ZZEF1: variants seen among roughly 807,000 people sequenced by gnomAD.
The protein encoded by ZZEF1 is zinc finger ZZ-type and EF-hand domain-containing protein 1.
In ZZEF1, 157 loss-of-function variants were observed where a neutral mutation model predicts 342.8. That is an observed-to-expected ratio of 0.46 (90% CI 0.40 to 0.52). The LOEUF (loss-of-function observed/expected upper bound fraction) is 0.52. ZZEF1 is among the 20% of genes least tolerant of loss of function. The pLI, the probability that ZZEF1 is intolerant of heterozygous loss-of-function variation, is 0.00. For synonymous variants in ZZEF1, 1,505 were observed against 1,429.1 expected (o/e 1.05, Z -1.20); for missense variants, 3,480 against 3,725.6 (o/e 0.93, Z 1.72).
At position 4,105,807 on chromosome 17, in the gene ZZEF1, T is replaced by C. The variant is rs114057260; in HGVS notation, c.1280A>G (p.Lys427Arg). The C allele has an allele frequency of 1.3e-3, 2,011 of 1,593,588 alleles. 24 individuals are homozygous for C. The African/African-American group carries it at 0.025, about 20-fold the overall frequency. Residue 427 changes from lysine (K) to arginine (R), a missense_variant and splice_region_variant, in exon 7 of 55, where the codon AAG becomes AGG. Lys to Arg is a conservative substitution (Grantham distance 26). Coordinates refer to ENST00000381638, the MANE Select transcript of ZZEF1 (RefSeq NM_015113.4). The stretch of plus-strand genomic sequence containing the variant: ...GAGTGGAGGCATGTGCCGCAGCGCC[T>C]TCCTAGAAGAGGAAAATGTAAAATG... ...FVQTVLHNTQ[K>R]ALRHMPPLSL...
chr17:4,112,908 A>T, intron 4 of ZZEF1, 100 bp from the exon 5 acceptor site: 1 of 1,087,290 alleles, frequency 9.2e-7, no homozygotes, highest in Non-Finnish European at 1.3e-6. Flanking sequence ...TGATATATCC[A>T]AAGACTGGTT....
chr17:4,108,678 TG>T (rs1360213316), intron 6 of ZZEF1, among the ~76,000 whole-genome samples: 1 of 152,154 alleles, frequency 6.6e-6, no homozygotes, highest in Non-Finnish European at 1.5e-5. Context: ...GCAGGAACGA[TG>T]GGGCACAGGC....
intron 1 of ZZEF1, among the ~76,000 whole-genome samples, chr17:4,140,561 G>GT (rs2058827162): frequency 1.3e-5 from 2 of 152,196 alleles, no homozygotes; most frequent in African/African-American, 4.8e-5. Context: ...TGTCATCCAA[G>GT]TGAGTGGCAC....
Position 4,024,828 on chromosome 17 carries a change from C to T in ZZEF1, c.7092+91G>A, listed in dbSNP as rs150164138. On this transcript the variant is annotated intron_variant, in intron 43 of 54. Coordinates refer to ENST00000381638, the MANE Select transcript of ZZEF1 (RefSeq NM_015113.4). ...CAAGATCCTATGGTTTACCATCCAT[C>T]GAAATCAGATGGCATTTCCTCCTAG... is the stretch of plus-strand genomic sequence containing the variant. 5.1e-4 allele frequency: 643 copies of T among 1,264,738 alleles called. 1 individual carries two copies. The African/African-American group carries it at 8.1e-3, about 16-fold the overall frequency. 78.3% of individuals were successfully genotyped at this position (1,264,738 alleles called of 1,614,324 possible).
Position 4,042,633 on chromosome 17 carries a change from C to A in ZZEF1, c.6167-65G>T, listed in dbSNP as rs901854848. On this transcript the variant is annotated intron_variant, in intron 38 of 54. Transcript: ENST00000381638. Reference sequence around the variant, plus strand: ...CCACATGTATGAAGAGGCAAGTAAACCACTGCACTGTCCCCTGTGCTGCTA... The same window carrying A: ...CCACATGTATGAAGAGGCAAGTAAAACACTGCACTGTCCCCTGTGCTGCTA... 2.0e-6 allele frequency: 3 copies of A among 1,508,452 alleles called. No individual in the cohort carries two copies. The African/African-American group carries it at 4.2e-5, about 21-fold the overall frequency. The allele number at this position is 1,508,452 out of a possible 1,614,324, so 93.4% of individuals were successfully genotyped here.
rs1048460507 is a variant in ZZEF1 at position 4,013,610 on chromosome 17, G to A, written c.8418C>T (p.Phe2806=). The A allele has an allele frequency of 9.3e-6, 15 of 1,611,328 alleles. No homozygotes were observed. Among genetic ancestry groups the A allele is most frequent in the African/African-American group, 5.3e-5 (4 of 74,828 alleles). ...AGHLGRFQTG[F]EILKQMLSEE... ...CTGACAACATCTGCTTCAAAATCTC[G>A]AATCCTGGCCAACACCCCAAAACAC... The change falls in exon 52 of 55, where the codon TTC becomes TTT. Residue 2806 remains phenylalanine (F), a synonymous_variant. Coordinates refer to ENST00000381638, the MANE Select transcript of ZZEF1 (RefSeq NM_015113.4).
Position 4,041,242 on chromosome 17 carries a change from C to T in ZZEF1, c.6306+1187G>A, listed in dbSNP as rs118029317. Among the ~76,000 whole-genome samples the T allele has an allele frequency of 1.4e-4, 22 of 152,254 alleles. No homozygotes were observed. The East Asian group carries it at 4.2e-3, about 29-fold the overall frequency. On this transcript the variant is annotated intron_variant, in intron 39 of 54. Coordinates refer to ENST00000381638, the MANE Select transcript of ZZEF1 (RefSeq NM_015113.4). ...TCTAGTTCCACGTGCACCATACAAC[C>T]TTCTGAGCTACAGTGTGGTCTTCTG...
At chr17:4,055,434 G>A (rs1567798947) in intron 33 of ZZEF1, among the ~76,000 whole-genome samples, 2 of 152,206 alleles carry the variant, frequency 1.3e-5, no homozygotes, top group South Asian at 2.1e-4. Flanking sequence ...AACACCTGAC[G>A]TGGAGATGGA....
intron 29 of ZZEF1, among the ~76,000 whole-genome samples, chr17:4,063,553 A>C (rs1319770949): frequency 6.6e-6 from 1 of 152,222 alleles, no homozygotes; most frequent in African/African-American, 2.4e-5. Context: ...TATAAATCTT[A>C]CATGAAAAAA....
At chr17:4,098,760 C>T (rs1471358613) in intron 9 of ZZEF1, among the ~76,000 whole-genome samples, 3 of 152,088 alleles carry the variant, frequency 2.0e-5, no homozygotes, top group African/African-American at 7.2e-5. Flanking sequence ...AAATGAGTCA[C>T]CAAAACTAAG....
intron 39 of ZZEF1, among the ~76,000 whole-genome samples, chr17:4,035,060 A>C (rs1215090988): frequency 6.6e-6 from 1 of 152,232 alleles, no homozygotes; most frequent in Non-Finnish European, 1.5e-5. Context: ...TGTATATGTA[A>C]AATAAATTTA....
intron 4 of ZZEF1, among the ~76,000 whole-genome samples, chr17:4,113,508 T>C (rs1031657777): frequency 1.3e-5 from 2 of 151,974 alleles, no homozygotes; most frequent in Admixed American, 1.3e-4. Flanking sequence ...CTACTAAAAA[T>C]ACAAAAATTA....
chr17:4,017,280 T>TA lies in ZZEF1; in HGVS notation c.8001+90dup. The TA allele has an allele frequency of 9.3e-6, 14 of 1,507,710 alleles. No individual in the cohort carries two copies. Among genetic ancestry groups the TA allele is most frequent in the Non-Finnish European group, 1.2e-5 (14 of 1,127,134 alleles). The allele number at this position is 1,507,710 out of a possible 1,614,324, so 93.4% of individuals were successfully genotyped here. A position where few individuals can be genotyped will look rare whatever the true frequency, so the allele number is the denominator to read the frequency against. ...TCAGGGAGCTGCACAGCCACACAGG[T>TA]AGCCTCGCTCCAGGAAGCACTCACT... On this transcript the variant is annotated intron_variant, in intron 48 of 54. Transcript: ENST00000381638. This position sits in a 1 kb window ranked among gnomAD's most constrained non-coding sequence, Gnocchi z 5.1.
chr17:4,116,849 T>C, intron 3 of ZZEF1, 123 bp downstream of exon 3: 1 of 1,037,544 alleles, frequency 9.6e-7, no homozygotes, highest in Non-Finnish European at 1.4e-6. Context: ...ATTCTTACGT[T>C]ACAAACTCAT....
chr17:4,136,050 T>C (rs2145611198), intron 1 of ZZEF1, among the ~76,000 whole-genome samples: 1 of 140,552 alleles, frequency 7.1e-6, no homozygotes, highest in East Asian at 2.3e-4. Flanking sequence ...TGGAGTGCAG[T>C]GGTGCGATCT....
At chr17:4,096,105 A>G in intron 10 of ZZEF1, 126 bp from the exon 11 acceptor site, 1 of 1,052,984 alleles carries the variant, frequency 9.5e-7, no homozygotes, top group Non-Finnish European at 1.3e-6. Context: ...TTTCAAACAT[A>G]TTAAGCCCTC....
At position 4,096,703 on chromosome 17, in the gene ZZEF1, GA is replaced by G. The variant is rs1309928539; in HGVS notation, c.1673-4del. On this transcript the variant is annotated splice_region_variant and splice_polypyrimidine_tract_variant and intron_variant, in intron 9 of 54. Coordinates refer to ENST00000381638, the MANE Select transcript of ZZEF1 (RefSeq NM_015113.4). Reference sequence around the variant, plus strand: ...TTTTCCAGTTTCCGTAAGAAAACCTGAAAAAAGGGAAAACTCAAGTTAGGGA... The same window carrying G: ...TTTTCCAGTTTCCGTAAGAAAACCTGAAAAAGGGAAAACTCAAGTTAGGGA... The G allele has an allele frequency of 1.2e-6, 2 of 1,612,898 alleles. No homozygotes were observed. The highest frequency in any genetic ancestry group is 1.1e-5 in the South Asian group (1 of 90,926).
chr17:4,006,791 T>A lies in ZZEF1; in HGVS notation c.*99A>T. On this transcript the variant is annotated 3_prime_UTR_variant, in exon 55 of 55. Coordinates refer to ENST00000381638, the MANE Select transcript of ZZEF1 (RefSeq NM_015113.4). ...CTGGAGTGGTCAGCTCAAGGAGAGC[T>A]GGGCACTGGCGCTACAGGAGTTTTC... The A allele has an allele frequency of 1.5e-6, 2 of 1,307,354 alleles. No homozygotes were observed. The highest frequency in any genetic ancestry group is 2.5e-5 in the South Asian group (2 of 78,882). The allele number at this position is 1,307,354 out of a possible 1,614,324, so 81.0% of individuals were successfully genotyped here.
Position 4,021,298 on chromosome 17 carries a change from G to A in ZZEF1, c.7235C>T (p.Ser2412Phe). 1 of 1,612,114 alleles carries A rather than the reference G, an allele frequency of 6.2e-7. No homozygotes were observed. The highest frequency in any genetic ancestry group is 8.5e-7 in the Non-Finnish European group (1 of 1,179,180). ...CAAAGCGTTGATCTCCTTTTTTGAG[G>A]AGTACAGCATGATGGACAAAATCTA... ...DLEILSIMLYSSKKEINALAE... is the reference protein window; with the variant it reads ...DLEILSIMLYFSKKEINALAE... The change falls in exon 45 of 55, where the codon TCC becomes TTC. Residue 2412 changes from serine (S) to phenylalanine (F), a missense_variant. Around this residue, in one of 5 missense-constraint regions of ZZEF1, gnomAD observed 1,269 missense variants for 1,342.4 expected, o/e 0.95. Transcript: ENST00000381638.
Sources: allele counts gnomAD v4.1 joint callset (sites outside exome capture counted in the v4.1 genomes callset), GRCh38; gene constraint gnomAD v4.1.1; regional missense constraint gnomAD v4.1.1; non-coding constraint Gnocchi (gnomAD v3.1); transcripts MANE v1.5; gene names NCBI Gene and HGNC (gene_info 2026-07-23, HGNC 2026-07-21).